EHBP1: variants seen among roughly 807,000 people sequenced by gnomAD.
EHBP1 encodes the protein EH domain-binding protein 1.
A neutral mutation model predicts 144.0 loss-of-function variants in EHBP1; 55 were observed. The observed-to-expected ratio is 0.38, with a 90% CI of 0.31 to 0.48. The LOEUF is 0.48. EHBP1 is among the 20% of genes least tolerant of loss of function. The probability of loss-of-function intolerance (pLI) is 0.98; values close to 1 mark genes in which losing one functional copy is unlikely to be tolerated. For synonymous variants in EHBP1, 469 were observed against 472.7 expected, an observed-to-expected ratio of 0.99 and a Z score of 0.10; for missense variants, 1,200 against 1,364.2, an observed-to-expected ratio of 0.88 and a Z score of 1.90.
Position 62,791,557 on chromosome 2 carries a change from A to G in EHBP1, c.312+20165A>G, listed in dbSNP as rs185112647. ...GAACATTTTAGTTTCATTTTAAAAG[A>G]TGGTTATTATAAAGTTTTAAATTCT... is the stretch of plus-strand genomic sequence containing the variant. On this transcript the variant is annotated intron_variant, in intron 5 of 22. Coordinates refer to ENST00000431489, the MANE Select transcript of EHBP1 (RefSeq NM_001142616.3). Among the ~76,000 whole-genome samples, 204 of 152,110 alleles carry G rather than the reference A, an allele frequency of 1.3e-3. 7 individuals are homozygous for G. The East Asian group carries it at 0.032, about 24-fold the overall frequency.
intron 19 of EHBP1, among the ~76,000 whole-genome samples, chr2:63,012,586 C>T (rs1039868467): frequency 6.6e-6 from 1 of 151,998 alleles, no homozygotes; most frequent in African/African-American, 2.4e-5. Context: ...CTAAGTAAAT[C>T]TCAAAATGTG....
chr2:62,752,496 T>C (rs925001118), intron 3 of EHBP1, among the ~76,000 whole-genome samples: 4 of 152,184 alleles, frequency 2.6e-5, no homozygotes, highest in Admixed American at 6.5e-5. Flanking sequence ...CTATTAGGTC[T>C]GCTTGGTGCA....
chr2:62,817,559 T>C (rs2045539048), intron 5 of EHBP1, among the ~76,000 whole-genome samples: 1 of 152,198 alleles, frequency 6.6e-6, no homozygotes, highest in African/African-American at 2.4e-5. Context: ...TTTTTGGCTT[T>C]TGCTGTGGGG....
chr2:62,692,914 C>T lies in EHBP1; in HGVS notation c.-295-13983C>T, dbSNP rs376284366. 6.6e-5 allele frequency among the ~76,000 whole-genome samples: 10 copies of T among 152,042 alleles called. No homozygotes were observed. In the East Asian group the frequency reaches 1.9e-3, roughly 29 times the overall value. ...TATTTTAATGGGTGTAAAAAATTAT[C>T]GTTGACTGTAATCACCTCTTGTGCT... On this transcript the variant is annotated intron_variant, in intron 1 of 22. Transcript: ENST00000405015.
chr2:62,837,383 T>A (rs1340223261), intron 7 of EHBP1, among the ~76,000 whole-genome samples: 1 of 147,532 alleles, frequency 6.8e-6, no homozygotes, highest in Non-Finnish European at 1.5e-5. Flanking sequence ...CGCTGCAAAA[T>A]CATGCCAAAA....
At chr2:62,942,656 A>G (rs2056827552) in intron 10 of EHBP1, 62 bp from the exon 11 acceptor site, 6 of 1,433,418 alleles carry the variant, frequency 4.2e-6, no homozygotes, top group African/African-American at 1.4e-5. Flanking sequence ...TAGGTCAATT[A>G]ATGTTAATTT....
At chr2:62,836,277 G>C (rs2047244768) in intron 7 of EHBP1, among the ~76,000 whole-genome samples, 2 of 151,836 alleles carry the variant, frequency 1.3e-5, no homozygotes, top group South Asian at 4.2e-4. Flanking sequence ...CTGCAGCTGA[G>C]GGTCCTGTCT....
chr2:62,757,882 G>A (rs766041582), intron 3 of EHBP1, among the ~76,000 whole-genome samples: 3 of 151,940 alleles, frequency 2.0e-5, no homozygotes, highest in Non-Finnish European at 4.4e-5. Flanking sequence ...ATAATAGGAC[G>A]CCTTCTGTAG....
At chr2:63,029,832 G>A (rs918995105) in intron 19 of EHBP1, among the ~76,000 whole-genome samples, 3 of 152,090 alleles carry the variant, frequency 2.0e-5, no homozygotes, top group African/African-American at 7.2e-5. Context: ...AGATTCAAGC[G>A]ATTCTTCTGC....
At chr2:62,740,632 A>G (rs1019225957) in intron 2 of EHBP1, among the ~76,000 whole-genome samples, 4 of 152,058 alleles carry the variant, frequency 2.6e-5, no homozygotes, top group Non-Finnish European at 4.4e-5. Flanking sequence ...TGAAGTGCCT[A>G]TTCAGTTAAG....
intron 5 of EHBP1, among the ~76,000 whole-genome samples, chr2:62,803,234 CA>C (rs35240136): frequency 0.2 from 23,785 of 121,412 alleles, 2,110 homozygotes; most frequent in Middle Eastern, 0.39. Context: ...GACCCTGTCT[CA>C]AAAAAAAAAA....
chr2:62,870,717 A>C (rs1313724927), intron 9 of EHBP1, among the ~76,000 whole-genome samples: 2 of 12,096 alleles, frequency 1.7e-4, no homozygotes, highest in African/African-American at 2.4e-3. Context: ...CTGCATCTCA[A>C]AAAAAAAAAA....
intron 10 of EHBP1, among the ~76,000 whole-genome samples, chr2:62,916,728 G>A (rs1295785570): frequency 6.7e-6 from 1 of 149,114 alleles, no homozygotes; most frequent in Non-Finnish European, 1.5e-5. Flanking sequence ...TTTATAATGT[G>A]TGTATTATAT....
intron 5 of EHBP1, among the ~76,000 whole-genome samples, chr2:62,819,335 C>T (rs1184867690): frequency 6.6e-6 from 1 of 152,084 alleles, no homozygotes; most frequent in Non-Finnish European, 1.5e-5. Flanking sequence ...TGGTATTTTC[C>T]GATAAAGGTG....
intron 10 of EHBP1, among the ~76,000 whole-genome samples, chr2:62,905,893 A>G (rs1411323383): frequency 6.6e-6 from 1 of 152,124 alleles, no homozygotes; most frequent in Non-Finnish European, 1.5e-5. Flanking sequence ...GAGAATAGAA[A>G]CAAATAGTCT....
intron 2 of EHBP1, among the ~76,000 whole-genome samples, chr2:62,726,326 A>G (rs1222250530): frequency 6.6e-6 from 1 of 152,202 alleles, no homozygotes; most frequent in East Asian, 1.9e-4. Flanking sequence ...TCTCCTTGCC[A>G]GTTCAACTCA....
intron 5 of EHBP1, among the ~76,000 whole-genome samples, chr2:62,781,893 G>A (rs1353817946): frequency 6.6e-6 from 1 of 152,132 alleles, no homozygotes; most frequent in Non-Finnish European, 1.5e-5. Context: ...AATCATAAAT[G>A]ATACTTGATA....
intron 10 of EHBP1, among the ~76,000 whole-genome samples, chr2:62,906,532 A>G (rs1344329885): frequency 6.6e-6 from 1 of 152,216 alleles, no homozygotes; most frequent in Non-Finnish European, 1.5e-5. Context: ...TATCCAGCTT[A>G]TTCCTAAGTA....
intron 10 of EHBP1, among the ~76,000 whole-genome samples, chr2:62,911,619 G>A (rs1475719931): frequency 2.0e-5 from 3 of 151,968 alleles, no homozygotes; most frequent in Non-Finnish European, 4.4e-5. Flanking sequence ...CCATCACCAC[G>A]GCCAGCTAAT....
Sources: allele counts gnomAD v4.1 joint callset (sites outside exome capture counted in the v4.1 genomes callset), GRCh38; gene constraint gnomAD v4.1.1; transcripts MANE v1.5; gene names NCBI Gene and HGNC (gene_info 2026-07-23, HGNC 2026-07-21).